Variants in SLC9A9 observed in about 807,000 individuals in gnomAD.
SLC9A9 encodes the protein sodium/hydrogen exchanger 9.
A neutral mutation model predicts 77.8 loss-of-function variants in SLC9A9; 62 were observed. The observed-to-expected ratio is 0.80, with a 90% CI of 0.65 to 0.98. The LOEUF (loss-of-function observed/expected upper bound fraction) is 0.98. SLC9A9 is among the 50% of genes least tolerant of loss of function. SLC9A9 has a pLI of 0.00. For synonymous variants in SLC9A9, 320 were observed against 283.5 expected, an observed-to-expected ratio of 1.13 and a Z score of -1.29; for missense variants, 775 against 774.9, an observed-to-expected ratio of 1.00 and a Z score of 0.00.
At chr3:143,834,276 C>T (rs112017397) in intron 1 of SLC9A9, among the ~76,000 whole-genome samples, 8 of 152,274 alleles carry the variant, frequency 5.3e-5, no homozygotes, top group African/African-American at 1.9e-4. Flanking sequence ...CAGTAGGCAA[C>T]CTTCCATGCT....
At chr3:143,370,565 G>GCACACACACACACACACACACA (rs1400523794) in intron 13 of SLC9A9, among the ~76,000 whole-genome samples, 1 of 38,382 alleles carries the variant, frequency 2.6e-5, no homozygotes, top group African/African-American at 1.2e-4. Flanking sequence ...ATGCATGTGC[G>GCACACACACACACACACACACA]CGCACACACA....
chr3:143,641,282 G>T (rs2038616813), intron 6 of SLC9A9, among the ~76,000 whole-genome samples: 1 of 151,534 alleles, frequency 6.6e-6, no homozygotes, highest in African/African-American at 2.4e-5. Flanking sequence ...GGTATTTTTT[G>T]CACAGTCTGA....
intron 4 of SLC9A9, among the ~76,000 whole-genome samples, chr3:143,717,459 A>G (rs1213767296): frequency 6.6e-6 from 1 of 152,204 alleles, no homozygotes; most frequent in Non-Finnish European, 1.5e-5. Context: ...CTGACAATAA[A>G]CAGATTACAC....
At chr3:143,291,707 A>G (rs190050874) in intron 14 of SLC9A9, among the ~76,000 whole-genome samples, 95 of 152,368 alleles carry the variant, frequency 6.2e-4, no homozygotes, top group African/African-American at 2.3e-3. Flanking sequence ...GTCTGTCTTG[A>G]AAGATTTTTT....
At chr3:143,633,365 T>C (rs990072691) in intron 6 of SLC9A9, among the ~76,000 whole-genome samples, 9 of 152,226 alleles carry the variant, frequency 5.9e-5, no homozygotes, top group Admixed American at 1.3e-4. Flanking sequence ...TACATTTATA[T>C]GCATTGCTAT....
chr3:143,768,053 C>G (rs2007387743), intron 4 of SLC9A9, among the ~76,000 whole-genome samples: 1 of 152,178 alleles, frequency 6.6e-6, no homozygotes, highest in Non-Finnish European at 1.5e-5. Context: ...CTTTGCCCTT[C>G]CAGCTAGACT....
At chr3:143,314,119 G>A (rs1206604253) in intron 14 of SLC9A9, 1 of 152,268 alleles carries the variant, frequency 6.6e-6, no homozygotes, top group Non-Finnish European at 1.5e-5. Context: ...TGGACTGTGG[G>A]ATCCATGAGA....
chr3:143,626,183 T>C (rs1320575778), intron 6 of SLC9A9, among the ~76,000 whole-genome samples: 5 of 152,214 alleles, frequency 3.3e-5, no homozygotes, highest in Non-Finnish European at 7.3e-5. Context: ...GTAAACTAGT[T>C]CAACCATTGT....
intron 9 of SLC9A9, among the ~76,000 whole-genome samples, chr3:143,511,749 T>C (rs2036119034): frequency 6.6e-6 from 1 of 152,218 alleles, no homozygotes. Context: ...CCTCCTTTCC[T>C]TGGATGAGGA....
chr3:143,614,242 G>A (rs2038068291), intron 6 of SLC9A9, among the ~76,000 whole-genome samples: 1 of 152,090 alleles, frequency 6.6e-6, no homozygotes, highest in Non-Finnish European at 1.5e-5. Flanking sequence ...TCCTGTTTCT[G>A]GTTAGCTCTC....
At chr3:143,293,977 AC>A (rs1442961025) in intron 14 of SLC9A9, among the ~76,000 whole-genome samples, 2 of 152,246 alleles carry the variant, frequency 1.3e-5, no homozygotes, top group Non-Finnish European at 2.9e-5. Context: ...TAGAACAAAT[AC>A]AATGAGATAA....
At chr3:143,697,735 T>C (rs1933683297) in intron 4 of SLC9A9, among the ~76,000 whole-genome samples, 1 of 59,662 alleles carries the variant, frequency 1.7e-5, no homozygotes, top group Non-Finnish European at 3.7e-5. Flanking sequence ...AGTTTGCTTT[T>C]TCAAAAAAGA....
chr3:143,542,833 A>C (rs985877624), intron 9 of SLC9A9, among the ~76,000 whole-genome samples: 1 of 152,252 alleles, frequency 6.6e-6, no homozygotes, highest in African/African-American at 2.4e-5. Flanking sequence ...AGGCAAAATC[A>C]GACAGTAAAT....
chr3:143,599,968 G>A (rs1041545239), intron 6 of SLC9A9, among the ~76,000 whole-genome samples: 25 of 151,612 alleles, frequency 1.6e-4, no homozygotes, highest in African/African-American at 5.1e-4. Context: ...GTTCTCTGGC[G>A]TTTTACCTAC....
At chr3:143,429,948 C>T (rs2034481360) in intron 12 of SLC9A9, among the ~76,000 whole-genome samples, 1 of 152,120 alleles carries the variant, frequency 6.6e-6, no homozygotes, top group Non-Finnish European at 1.5e-5. Context: ...GAAACTGAAG[C>T]CCAAAAGATG....
intron 14 of SLC9A9, among the ~76,000 whole-genome samples, chr3:143,327,898 A>G (rs1165153599): frequency 6.6e-6 from 1 of 152,242 alleles, no homozygotes; most frequent in African/African-American, 2.4e-5. Flanking sequence ...ATTGAGCACT[A>G]ACTAGTCTAA....
At chr3:143,437,043 C>T (rs536844553) in intron 12 of SLC9A9, among the ~76,000 whole-genome samples, 2 of 152,366 alleles carry the variant, frequency 1.3e-5, no homozygotes, top group African/African-American at 4.8e-5. Flanking sequence ...GTATTAACAT[C>T]TCACATTTTT....
chr3:143,334,348 G>A, intron 14 of SLC9A9, among the ~76,000 whole-genome samples: 1 of 152,248 alleles, frequency 6.6e-6, no homozygotes, highest in Middle Eastern at 3.2e-3. Flanking sequence ...TCAAGAAAGA[G>A]CATATATTAG....
At chr3:143,828,030 G>A (rs949301406) in intron 2 of SLC9A9, among the ~76,000 whole-genome samples, 35 of 152,170 alleles carry the variant, frequency 2.3e-4, no homozygotes, top group African/African-American at 7.2e-4. Context: ...GCCTCTCAGA[G>A]AGCCTGTCCA....
Sources: gnomAD v4.1 joint callset for allele counts (sites outside exome capture counted in the v4.1 genomes callset) on GRCh38, gnomAD v4.1.1 for gene constraint, MANE v1.5 for transcripts, NCBI Gene and HGNC (gene_info 2026-07-23, HGNC 2026-07-21) for gene names.